Variants in IL20RA observed in about 807,000 individuals in gnomAD.
The protein encoded by IL20RA is interleukin-20 receptor subunit alpha.
Under a neutral mutation model 36.5 loss-of-function variants are expected in IL20RA, and 29 were observed. That is an observed-to-expected ratio of 0.79 (90% confidence interval 0.59 to 1.08). IL20RA has a LOEUF of 1.08. Among genes scored for constraint, IL20RA ranks in the 50% least tolerant of loss-of-function variants. The pLI, the probability that IL20RA is intolerant of heterozygous loss-of-function variation, is 0.00. For missense variants in IL20RA, 652 were observed against 668.4 expected (o/e 0.98, Z 0.27); for synonymous variants, 279 against 267.1 (o/e 1.04, Z -0.43).
chr6:137,044,913 G>A lies in IL20RA; in HGVS notation c.-185C>T, dbSNP rs1776850322. The A allele has an allele frequency of 2.2e-6, 1 of 461,948 alleles. No homozygotes were observed. Among genetic ancestry groups the A allele is most frequent in the Non-Finnish European group, 3.3e-6 (1 of 299,334 alleles). The allele number at this position is 461,948 out of a possible 1,614,324, so 28.6% of individuals were successfully genotyped here. On this transcript the variant is annotated 5_prime_UTR_variant, in exon 1 of 7. Coordinates refer to ENST00000316649, the MANE Select transcript of IL20RA (RefSeq NM_014432.4). ...CCCCCAGGCTTCCCCAGAAACCAAG[G>A]GCGAGCGACTCGCGGAGCCCCCACG...
intron 1 of IL20RA, among the ~76,000 whole-genome samples, chr6:137,020,896 T>C (rs1348922370): frequency 6.6e-6 from 1 of 152,222 alleles, no homozygotes; most frequent in African/African-American, 2.4e-5. Context: ...GTTTCAGTTT[T>C]GGATCATCCT....
chr6:137,021,436 A>T (rs922825379), intron 1 of IL20RA, among the ~76,000 whole-genome samples: 1 of 151,562 alleles, frequency 6.6e-6, no homozygotes, highest in Non-Finnish European at 1.5e-5. Context: ...AGGCCAAGGC[A>T]GGTAGATCAC....
intron 2 of IL20RA, among the ~76,000 whole-genome samples, chr6:137,014,927 A>T (rs1057143543): frequency 1.1e-4 from 17 of 152,168 alleles, no homozygotes; most frequent in African/African-American, 3.1e-4. Flanking sequence ...CTCCAGGAAG[A>T]TCTCAGAAAA....
At chr6:137,026,148 C>T (rs1776081389) in intron 1 of IL20RA, among the ~76,000 whole-genome samples, 1 of 152,226 alleles carries the variant, frequency 6.6e-6, no homozygotes, top group Non-Finnish European at 1.5e-5. Flanking sequence ...AGAAGCCCTG[C>T]TCCACCTTGC....
At chr6:137,042,489 G>A (rs917388347) in intron 1 of IL20RA, among the ~76,000 whole-genome samples, 7 of 152,176 alleles carry the variant, frequency 4.6e-5, no homozygotes, top group Admixed American at 2.6e-4. Context: ...GGCCAATAGG[G>A]CGGAGTTTGA....
chr6:137,004,527 C>T, intron 6 of IL20RA, 94 bp downstream of exon 6: 1 of 1,217,508 alleles, frequency 8.2e-7, no homozygotes, highest in East Asian at 2.4e-5. Context: ...TCACTCTGCC[C>T]TTAAAGGGAA....
At chr6:137,019,943 T>C (rs1350759610) in intron 1 of IL20RA, among the ~76,000 whole-genome samples, 2 of 152,232 alleles carry the variant, frequency 1.3e-5, no homozygotes, top group Non-Finnish European at 2.9e-5. Context: ...AATCCCTTCC[T>C]CTTGGCATTC....
chr6:137,001,658 A>G lies in IL20RA; in HGVS notation c.1562T>C (p.Leu521Pro), dbSNP rs1162734269. The part of the protein sequence containing the change: ...GLGEEGLLSR[L>P]YEEPAPDRPP... ...CCTGTCTGGAGCCGGCTCCTCATAG[A>G]GTCTAGATAGAAGACCCTCCTCTCC... The change falls in exon 7 of 7, where the codon CTC becomes CCC. Residue 521 changes from leucine to proline, a missense_variant. Physicochemically the swap from Leu to Pro is moderately conservative, Grantham distance 98. Transcript: ENST00000316649. The G allele has an allele frequency of 2.5e-6, 4 of 1,613,954 alleles. No individual in the cohort carries two copies. The highest frequency in any genetic ancestry group is 3.4e-6 in the Non-Finnish European group (4 of 1,179,960).
intron 1 of IL20RA, chr6:137,044,279 G>A: frequency 1.0e-6 from 1 of 999,610 alleles, no homozygotes; most frequent in Non-Finnish European, 1.2e-6. Flanking sequence ...GGGACTGGCC[G>A]GCGAGGGGCC....
rs1208105790 is a variant in IL20RA, at chr6:137,044,950, G to C, written c.-222C>G. 5.8e-6 allele frequency: 2 copies of C among 343,884 alleles called. No homozygotes were observed. The highest frequency in any genetic ancestry group is 1.0e-5 in the Non-Finnish European group (2 of 195,368). The allele number at this position is 343,884 out of a possible 1,614,324, so 21.3% of individuals were successfully genotyped here. On this transcript the variant is annotated 5_prime_UTR_variant, in exon 1 of 7. Coordinates refer to ENST00000316649, the MANE Select transcript of IL20RA (RefSeq NM_014432.4). Reference sequence around the variant, plus strand: ...GCGGAGCCCCCACGCGCGCTCCCCCGGCTACCCAGCTGGATGGCAGCGCGA... The same window carrying C: ...GCGGAGCCCCCACGCGCGCTCCCCCCGCTACCCAGCTGGATGGCAGCGCGA...
chr6:137,032,330 C>A (rs1424392615), intron 1 of IL20RA, among the ~76,000 whole-genome samples: 1 of 152,154 alleles, frequency 6.6e-6, no homozygotes, highest in East Asian at 1.9e-4. Flanking sequence ...GTGGAGGGCA[C>A]AAGGCAGGTG....
At chr6:137,004,325 A>G (rs145277581) in intron 6 of IL20RA, among the ~76,000 whole-genome samples, 1,589 of 151,930 alleles carry the variant, frequency 0.01, 11 homozygotes, top group Middle Eastern at 0.031. Context: ...ATAGGCATGC[A>G]TTACCACATC....
chr6:137,017,712 G>T (rs1775753370), intron 1 of IL20RA, among the ~76,000 whole-genome samples: 3 of 151,852 alleles, frequency 2.0e-5, no homozygotes. Flanking sequence ...CTTTACTAAA[G>T]AATATAGTAA....
intron 1 of IL20RA, among the ~76,000 whole-genome samples, chr6:137,024,631 C>A (rs276488): frequency 0.82 from 124,954 of 152,216 alleles, 56,622 homozygotes; most frequent in East Asian, 1. Flanking sequence ...TTCACCAGCC[C>A]CACCAAAATA....
At chr6:137,036,590 T>C (rs1200245406) in intron 1 of IL20RA, among the ~76,000 whole-genome samples, 1 of 152,108 alleles carries the variant, frequency 6.6e-6, no homozygotes, top group Non-Finnish European at 1.5e-5. Context: ...GTGTTGTGTC[T>C]ACAAGCCAAG....
chr6:137,010,178 T>C (rs918062996), intron 3 of IL20RA, among the ~76,000 whole-genome samples: 4 of 152,310 alleles, frequency 2.6e-5, no homozygotes, highest in African/African-American at 9.6e-5. Context: ...AAATCAGAGA[T>C]GTGATTAGAA....
chr6:137,039,997 A>G (rs1776629164), intron 1 of IL20RA, among the ~76,000 whole-genome samples: 1 of 152,278 alleles, frequency 6.6e-6, no homozygotes, highest in South Asian at 2.1e-4. Context: ...GGTCAATAGT[A>G]TCTTCATGGG....
At chr6:137,026,089 C>A (rs1776079717) in intron 1 of IL20RA, among the ~76,000 whole-genome samples, 1 of 152,200 alleles carries the variant, frequency 6.6e-6, no homozygotes, top group African/African-American at 2.4e-5. Context: ...CCTTTGGGAC[C>A]ATTCAAGTTT....
intron 1 of IL20RA, among the ~76,000 whole-genome samples, chr6:137,036,592 C>T (rs866858496): frequency 5.6e-4 from 86 of 152,240 alleles, no homozygotes; most frequent in African/African-American, 1.9e-3. Flanking sequence ...GTTGTGTCTA[C>T]AAGCCAAGGG....
Sources: gnomAD v4.1 joint callset for allele counts (sites outside exome capture counted in the v4.1 genomes callset) on GRCh38, gnomAD v4.1.1 for gene constraint, MANE v1.5 for transcripts, NCBI Gene and HGNC (gene_info 2026-07-23, HGNC 2026-07-21) for gene names.